ARMC3: variants seen among roughly 807,000 people sequenced by gnomAD.
ARMC3 encodes armadillo repeat-containing protein 3.
In ARMC3, 74 loss-of-function variants were observed where a neutral mutation model predicts 90.3. The observed-to-expected ratio is 0.82, with a 90% CI of 0.68 to 0.99. The LOEUF is 0.99. Ranked by LOEUF, ARMC3 falls within the 50% of genes least tolerant of loss-of-function variation. The pLI, the probability that ARMC3 is intolerant of heterozygous loss-of-function variation, is 0.00. For synonymous variants in ARMC3, 334 were observed against 361.8 expected, an observed-to-expected ratio of 0.92 and a Z score of 0.87; for missense variants, 958 against 1,042.8, an observed-to-expected ratio of 0.92 and a Z score of 1.12.
rs370012088 is a variant in ARMC3 at position 22,998,249 on chromosome 10, C to G, written c.1277C>G (p.Ala426Gly). 15 of 1,612,524 alleles carry G rather than the reference C, an allele frequency of 9.3e-6. No homozygotes were observed. Among genetic ancestry groups the G allele is most frequent in the Non-Finnish European group, 1.3e-5 (15 of 1,179,182 alleles). Reference sequence around the variant, plus strand: ...GCTGCTACAGTATTAACAAACATGGCCATGCAGGAGCCCCTGCGCCTGAAC... The same window carrying G: ...GCTGCTACAGTATTAACAAACATGGGCATGCAGGAGCCCCTGCGCCTGAAC... ...ANAATVLTNM[A>G]MQEPLRLNIQ... Residue 426 changes from alanine (A) to glycine (G), a missense_variant, in exon 11 of 19, where the codon GCC becomes GGC. By Grantham distance (60) the Ala-to-Gly change is moderately conservative. Coordinates refer to ENST00000298032, the MANE Select transcript of ARMC3 (RefSeq NM_173081.5).
intron 14 of ARMC3, 22 bp from the exon 15 acceptor site, chr10:23,008,254 T>C (rs1179582410): frequency 1.6e-6 from 2 of 1,237,518 alleles, no homozygotes; most frequent in Non-Finnish European, 2.3e-6. Flanking sequence ...CTATATATAA[T>C]TTTAAATGTG....
At chr10:22,969,280 A>G (rs1388044335) in intron 8 of ARMC3, among the ~76,000 whole-genome samples, 1 of 152,228 alleles carries the variant, frequency 6.6e-6, no homozygotes, top group Non-Finnish European at 1.5e-5. Context: ...TAATTACAGC[A>G]CAAGCACAGA....
intron 8 of ARMC3, among the ~76,000 whole-genome samples, chr10:22,979,371 C>T (rs574292298): frequency 6.6e-6 from 1 of 152,156 alleles, no homozygotes; most frequent in African/African-American, 2.4e-5. Context: ...CTGCAGTCAG[C>T]ACTTTTAAGG....
At chr10:23,034,349 A>G (rs1260764035) in intron 18 of ARMC3, among the ~76,000 whole-genome samples, 1 of 152,214 alleles carries the variant, frequency 6.6e-6, no homozygotes. Flanking sequence ...TCCTATTACC[A>G]TGACTAACAT....
chr10:22,995,600 A>C (rs1221169281), intron 10 of ARMC3, among the ~76,000 whole-genome samples: 1 of 152,238 alleles, frequency 6.6e-6, no homozygotes, highest in Non-Finnish European at 1.5e-5. Context: ...AGCAAAGAAA[A>C]GAGCAGAAGG....
intron 18 of ARMC3, among the ~76,000 whole-genome samples, chr10:23,033,733 G>A (rs528658863): frequency 5.9e-5 from 9 of 152,272 alleles, no homozygotes; most frequent in Non-Finnish European, 1.2e-4. Flanking sequence ...AATTAGAGCA[G>A]GGGCAAGACT....
intron 6 of ARMC3, chr10:22,961,359 T>C (rs1057254083): frequency 1.1e-4 from 16 of 152,328 alleles, no homozygotes; most frequent in African/African-American, 3.4e-4. Context: ...GGCACAACAA[T>C]TGTCTAGATT....
intron 8 of ARMC3, among the ~76,000 whole-genome samples, chr10:22,973,057 G>A (rs1242444432): frequency 6.6e-6 from 1 of 152,012 alleles, no homozygotes; most frequent in African/African-American, 2.4e-5. Context: ...ACTTTGGGAG[G>A]TTGAGGTGGG....
rs138620810 is a variant in ARMC3, at chr10:23,017,269, G to A, written c.2045+8338G>A. Among the ~76,000 whole-genome samples, 1,006 of 152,122 alleles carry A rather than the reference G, an allele frequency of 6.6e-3. 7 individuals carry two copies. The highest frequency in any genetic ancestry group is 0.022 in the African/African-American group (916 of 41,510). On this transcript the variant is annotated intron_variant, in intron 16 of 18. Coordinates refer to ENST00000298032, the MANE Select transcript of ARMC3 (RefSeq NM_173081.5). ...TAAAACTTTTTGTACTTGTTAAAAC[G>A]AATATAGAGCTTTGTAATTCTCAAA...
chr10:22,964,689 C>A (rs113685919), intron 7 of ARMC3, among the ~76,000 whole-genome samples: 5,503 of 151,710 alleles, frequency 0.036, 311 homozygotes, highest in African/African-American at 0.12. Context: ...GATCCTCCTG[C>A]CTTGGCTTCC....
intron 8 of ARMC3, among the ~76,000 whole-genome samples, chr10:22,972,520 T>A (rs953633970): frequency 6.6e-6 from 1 of 152,250 alleles, no homozygotes; most frequent in Admixed American, 6.5e-5. Flanking sequence ...TTCCTTTTGT[T>A]AGTTCTAAAA....
At chr10:22,937,123 G>A (rs754773493) in intron 2 of ARMC3, among the ~76,000 whole-genome samples, 10 of 151,940 alleles carry the variant, frequency 6.6e-5, no homozygotes, top group Non-Finnish European at 1.2e-4. Context: ...GGCTGGTCTC[G>A]AACTCCTGGG....
rs1048139027 is a variant in ARMC3 at position 22,968,493 on chromosome 10, T to A, written c.916+4T>A. ...ATTACTAAAGCAGCTTATGATCGTA[T>A]GTCTCATTTTATTTTATTTATTTTG... On this transcript the variant is annotated splice_donor_region_variant and intron_variant, in intron 8 of 18. Transcript: ENST00000298032. 3.8e-6 allele frequency: 6 copies of A among 1,561,080 alleles called. No individual in the cohort carries two copies. The highest frequency in any genetic ancestry group is 5.2e-6 in the Non-Finnish European group (6 of 1,157,400).
chr10:22,986,328 G>T (rs1836436433), intron 10 of ARMC3, among the ~76,000 whole-genome samples: 1 of 151,998 alleles, frequency 6.6e-6, no homozygotes, highest in Non-Finnish European at 1.5e-5. Context: ...AAGGCGGGTG[G>T]ATTACTTGAG....
Position 22,961,978 on chromosome 10 carries a change from C to T in ARMC3, c.632C>T (p.Ala211Val), listed in dbSNP as rs74121683. 9 of 1,612,452 alleles carry T rather than the reference C, an allele frequency of 5.6e-6. No individual in the cohort carries two copies. The African/African-American group carries it at 9.3e-5, about 17-fold the overall frequency. The change falls in exon 7 of 19, where the codon GCT (alanine) becomes GTT (valine). Residue 211 changes from alanine to valine, a missense_variant. Ala to Val is a moderately conservative substitution (Grantham distance 64). Transcript: ENST00000298032. ...GAATATCCAGTGATTCAGTTGTTGG[C>T]TCTCAAAACCTTAGGTGTTATTGCA... The part of the protein sequence containing the change: ...KSEYPVIQLL[A>V]LKTLGVIAND...
At chr10:23,010,378 TCCTTC>T (rs1837876980) in intron 16 of ARMC3, among the ~76,000 whole-genome samples, 2 of 87,836 alleles carry the variant, frequency 2.3e-5, no homozygotes, top group Non-Finnish European at 4.4e-5. Flanking sequence ...TTCCTTCCCT[TCCTTC>T]CCCTCTCTTT....
intron 3 of ARMC3, among the ~76,000 whole-genome samples, chr10:22,950,929 G>A (rs2131211137): frequency 6.6e-6 from 1 of 151,678 alleles, no homozygotes; most frequent in Middle Eastern, 3.4e-3. Flanking sequence ...TCAAAAGACT[G>A]TGAAAAATCT....
intron 13 of ARMC3, among the ~76,000 whole-genome samples, chr10:23,003,780 C>T (rs926842093): frequency 6.6e-6 from 1 of 151,698 alleles, no homozygotes; most frequent in African/African-American, 2.4e-5. Context: ...CTAGAGTGCA[C>T]TATGGTTGTG....
At chr10:22,958,275 A>G (rs1835034035) in intron 4 of ARMC3, among the ~76,000 whole-genome samples, 1 of 152,216 alleles carries the variant, frequency 6.6e-6, no homozygotes, top group Non-Finnish European at 1.5e-5. Context: ...AAAACAGTCA[A>G]TATACTTATT....
Sources: gnomAD v4.1 joint callset for allele counts (sites outside exome capture counted in the v4.1 genomes callset) on GRCh38, gnomAD v4.1.1 for gene constraint, MANE v1.5 for transcripts, NCBI Gene and HGNC (gene_info 2026-07-23, HGNC 2026-07-21) for gene names.